PDE1C: variants seen among roughly 807,000 people sequenced by gnomAD.
PDE1C encodes dual specificity calcium/calmodulin-dependent 3',5'-cyclic nucleotide phosphodiesterase 1C.
PDE1C carries 62 observed loss-of-function variants against 93.1 expected under a neutral mutation model. That is an observed-to-expected ratio of 0.67 (90% confidence interval 0.54 to 0.82). PDE1C has a LOEUF of 0.82. PDE1C is among the 40% of genes least tolerant of loss of function. PDE1C has a pLI of 0.00. For missense variants in PDE1C, 742 were observed against 884.6 expected (o/e 0.84, Z 2.04); for synonymous variants, 325 against 310.1 (o/e 1.05, Z -0.50).
At chr7:32,050,530 G>A (rs1313752589) in intron 2 of PDE1C, among the ~76,000 whole-genome samples, 2 of 151,974 alleles carry the variant, frequency 1.3e-5, no homozygotes, top group African/African-American at 2.4e-5. Flanking sequence ...GTGAGGTGAT[G>A]AATATGTTAA....
chr7:32,298,299 T>C (rs1812755992), intron 1 of PDE1C, among the ~76,000 whole-genome samples: 1 of 152,090 alleles, frequency 6.6e-6, no homozygotes, highest in Non-Finnish European at 1.5e-5. Context: ...CTCGGCACTA[T>C]CTTCATCTCT....
At chr7:31,963,495 T>G (rs1299184955) in intron 2 of PDE1C, among the ~76,000 whole-genome samples, 1 of 152,332 alleles carries the variant, frequency 6.6e-6, no homozygotes, top group Non-Finnish European at 1.5e-5. Flanking sequence ...TCTGTCCATA[T>G]CTTGCTGAGT....
chr7:31,675,538 T>C, the PDE1C span, among the ~76,000 whole-genome samples: 1 of 152,090 alleles, frequency 6.6e-6, no homozygotes, highest in Non-Finnish European at 1.5e-5. Context: ...TAAATTTATT[T>C]TGTCTCATGC....
At chr7:31,637,307 G>A in the PDE1C span, among the ~76,000 whole-genome samples, 7 of 152,218 alleles carry the variant, frequency 4.6e-5, no homozygotes, top group East Asian at 1.9e-4. Flanking sequence ...CTGAGGAATC[G>A]CCACACTGAC....
intron 7 of PDE1C, among the ~76,000 whole-genome samples, chr7:31,861,006 T>C (rs897835409): frequency 3.3e-5 from 5 of 152,202 alleles, no homozygotes; most frequent in South Asian, 2.1e-4. Flanking sequence ...TGTTCTCACC[T>C]GCAATTTTTT....
At chr7:32,183,495 C>T (rs1354380414) in intron 2 of PDE1C, among the ~76,000 whole-genome samples, 30 of 152,144 alleles carry the variant, frequency 2.0e-4, no homozygotes, top group African/African-American at 4.1e-4. Flanking sequence ...GAAATAATGC[C>T]GCATATCTAC....
chr7:32,079,317 TAA>T (rs1344304275), intron 3 of PDE1C, among the ~76,000 whole-genome samples: 1 of 152,092 alleles, frequency 6.6e-6, no homozygotes, highest in African/African-American at 2.4e-5. Context: ...AAACAGATTA[TAA>T]AACAACAGAT....
chr7:31,871,759 GA>G (rs1795979214), intron 6 of PDE1C, among the ~76,000 whole-genome samples: 1 of 151,450 alleles, frequency 6.6e-6, no homozygotes, highest in Admixed American at 6.6e-5. Context: ...ACGTTGGTGG[GA>G]ATGTAAATTG....
intron 16 of PDE1C, among the ~76,000 whole-genome samples, chr7:31,797,413 G>A (rs1785439829): frequency 6.6e-6 from 1 of 151,724 alleles, no homozygotes; most frequent in Non-Finnish European, 1.5e-5. Context: ...CCTAAAGGAT[G>A]GGATTAACTA....
At position 31,828,375 on chromosome 7, in the gene PDE1C, T is replaced by C; in HGVS notation, c.1204-2A>G. On this transcript the variant is annotated splice_acceptor_variant, in intron 11 of 17. Transcript: ENST00000396191. LOFTEE classifies it high-confidence loss of function. ...CCCCAGCTCTGCTTCTCTGTCACCCTGGAAAAATAAAAGGTCATAGTAAAT... is the reference window on the plus strand; with the variant it reads ...CCCCAGCTCTGCTTCTCTGTCACCCCGGAAAAATAAAAGGTCATAGTAAAT... 1.2e-6 allele frequency: 2 copies of C among 1,610,864 alleles called. No individual in the cohort carries two copies. Among genetic ancestry groups the C allele is most frequent in the South Asian group, 1.1e-5 (1 of 90,810 alleles).
chr7:31,667,437 C>T, the PDE1C span, among the ~76,000 whole-genome samples: 27 of 152,224 alleles, frequency 1.8e-4, no homozygotes, highest in East Asian at 2.9e-3. Context: ...GGATGAAGAA[C>T]AACATAGTCA....
At chr7:31,980,502 A>C (rs1207481514) in intron 2 of PDE1C, among the ~76,000 whole-genome samples, 1 of 152,188 alleles carries the variant, frequency 6.6e-6, no homozygotes, top group African/African-American at 2.4e-5. Flanking sequence ...ACATTTCATA[A>C]GACTTTTTGG....
chr7:32,022,470 A>G (rs114818644), intron 2 of PDE1C, among the ~76,000 whole-genome samples: 1,815 of 152,118 alleles, frequency 0.012, 40 homozygotes, highest in African/African-American at 0.041. Context: ...ATCAGAGGGG[A>G]TAAGTGTCCC....
chr7:32,411,223 A>C (rs1785162558), intron 1 of PDE1C, among the ~76,000 whole-genome samples: 1 of 152,172 alleles, frequency 6.6e-6, no homozygotes, highest in Admixed American at 6.6e-5. Context: ...CAAATTATAA[A>C]AAGATTAGAA....
At chr7:32,263,973 A>C (rs1042264012) in intron 1 of PDE1C, among the ~76,000 whole-genome samples, 1 of 151,986 alleles carries the variant, frequency 6.6e-6, no homozygotes, top group African/African-American at 2.4e-5. Context: ...TCAATATTTC[A>C]CTGTCTTATT....
the PDE1C span, among the ~76,000 whole-genome samples, chr7:31,713,585 C>G: frequency 6.6e-6 from 1 of 152,232 alleles, no homozygotes; most frequent in African/African-American, 2.4e-5. Context: ...GCTCCAACCC[C>G]ACATTTCCCT....
chr7:32,367,278 C>T (rs1374571121), intron 1 of PDE1C, among the ~76,000 whole-genome samples: 1 of 152,032 alleles, frequency 6.6e-6, no homozygotes, highest in African/African-American at 2.4e-5. Context: ...GGAGAAAGAG[C>T]AAGGAATCAA....
chr7:31,997,506 A>G lies in PDE1C; in HGVS notation c.128+54048T>C, dbSNP rs893427728. On this transcript the variant is annotated intron_variant, in intron 2 of 17. Coordinates refer to ENST00000396191, the MANE Select transcript of PDE1C (RefSeq NM_001191057.4). ...CAATGGTCTGAATAAATTGCCAGTTAGAGGCAACAATAGAGCTTGGAGAAC... is the reference window on the plus strand; with the variant it reads ...CAATGGTCTGAATAAATTGCCAGTTGGAGGCAACAATAGAGCTTGGAGAAC... Among the ~76,000 whole-genome samples the G allele has an allele frequency of 3.3e-5, 5 of 152,348 alleles. No homozygotes were observed. In the East Asian group the frequency reaches 9.6e-4, roughly 29 times the overall value.
chr7:31,839,704 G>GA (rs1457224876), intron 9 of PDE1C, among the ~76,000 whole-genome samples: 2 of 152,214 alleles, frequency 1.3e-5, no homozygotes, highest in Non-Finnish European at 2.9e-5. Context: ...TGAATACCTA[G>GA]AAGCAGAATG....
Sources: gnomAD v4.1 joint callset for allele counts (sites outside exome capture counted in the v4.1 genomes callset) on GRCh38, gnomAD v4.1.1 for gene constraint, MANE v1.5 for transcripts, NCBI Gene and HGNC (gene_info 2026-07-23, HGNC 2026-07-21) for gene names.